DPYD: variants seen among roughly 807,000 people sequenced by gnomAD.
The protein encoded by DPYD is dihydropyrimidine dehydrogenase [NADP(+)].
In DPYD, 109 loss-of-function variants were observed where a neutral mutation model predicts 116.2. The observed-to-expected ratio is 0.94, with a 90% CI of 0.80 to 1.10. The LOEUF is 1.10. Among genes scored for constraint, DPYD ranks in the 50% least tolerant of loss-of-function variants. DPYD has a pLI of 0.00. For missense variants in DPYD, 1,302 were observed against 1,254.5 expected (o/e 1.04, Z -0.57); for synonymous variants, 440 against 432.0 (o/e 1.02, Z -0.23).
At chr1:97,098,680 G>A (rs761017799) in intron 20 of DPYD, 48 bp from the exon 21 acceptor site, 71 of 1,596,366 alleles carry the variant, frequency 4.4e-5, no homozygotes, top group Non-Finnish European at 5.9e-5. Context: ...TCAGAGAAGA[G>A]AAAAATGGGA....
chr1:97,114,179 A>G (rs1049999229), intron 20 of DPYD, among the ~76,000 whole-genome samples: 3 of 152,144 alleles, frequency 2.0e-5, no homozygotes. Context: ...ACGATGAGTG[A>G]CTATCACAAA....
At chr1:97,701,197 TTA>T (rs934343237) in intron 5 of DPYD, among the ~76,000 whole-genome samples, 8 of 147,110 alleles carry the variant, frequency 5.4e-5, no homozygotes, top group Admixed American at 3.4e-4. Context: ...CATATATATA[TTA>T]TATATATATA....
chr1:97,457,355 A>T (rs1480747770), intron 13 of DPYD, among the ~76,000 whole-genome samples: 1 of 152,112 alleles, frequency 6.6e-6, no homozygotes, highest in African/African-American at 2.4e-5. Flanking sequence ...AGAAATATGG[A>T]GATTAATTTT....
chr1:97,590,782 A>C (rs528739511), intron 10 of DPYD, among the ~76,000 whole-genome samples: 2 of 152,060 alleles, frequency 1.3e-5, no homozygotes, highest in Non-Finnish European at 2.9e-5. Flanking sequence ...CTTGTAATCT[A>C]CTCACATTAA....
At chr1:97,867,864 C>T (rs1010008273) in intron 2 of DPYD, among the ~76,000 whole-genome samples, 16 of 151,704 alleles carry the variant, frequency 1.1e-4, no homozygotes, top group African/African-American at 3.9e-4. Context: ...TACTGAAAGT[C>T]TTAGCCAGAG....
At chr1:97,085,519 T>A (rs1377970786) in intron 21 of DPYD, among the ~76,000 whole-genome samples, 1 of 152,362 alleles carries the variant, frequency 6.6e-6, no homozygotes, top group East Asian at 1.9e-4. Flanking sequence ...AAATTATATT[T>A]TTTTCTTTAT....
intron 16 of DPYD, among the ~76,000 whole-genome samples, chr1:97,355,392 T>C (rs1670377480): frequency 6.6e-6 from 1 of 152,164 alleles, no homozygotes. Context: ...ACTTACTTTT[T>C]GTGGTGAGAA....
chr1:97,447,262 G>T (rs2101781235), intron 14 of DPYD, among the ~76,000 whole-genome samples: 1 of 152,300 alleles, frequency 6.6e-6, no homozygotes, highest in African/African-American at 2.4e-5. Flanking sequence ...ATTAAAGGTG[G>T]CAGCCATGCA....
intron 7 of DPYD, among the ~76,000 whole-genome samples, chr1:97,687,465 A>C (rs1223991722): frequency 6.6e-6 from 1 of 152,190 alleles, no homozygotes; most frequent in Non-Finnish European, 1.5e-5. Context: ...GATTATTAAA[A>C]AGTCAAGAAA....
At chr1:97,523,948 A>T (rs1648870399) in intron 12 of DPYD, among the ~76,000 whole-genome samples, 1 of 152,204 alleles carries the variant, frequency 6.6e-6, no homozygotes, top group Non-Finnish European at 1.5e-5. Context: ...GTACACTTAA[A>T]GATGTCTAAG....
chr1:97,082,283 A>C (rs772367530), intron 22 of DPYD, 47 bp downstream of exon 22: 1 of 1,612,042 alleles, frequency 6.2e-7, no homozygotes, highest in South Asian at 1.1e-5. Flanking sequence ...CCGTAAAAAC[A>C]AGAAGAAACA....
intron 21 of DPYD, among the ~76,000 whole-genome samples, chr1:97,088,462 T>C (rs974419100): frequency 6.6e-6 from 1 of 152,216 alleles, no homozygotes; most frequent in African/African-American, 2.4e-5. Context: ...TTTTCCGATG[T>C]TTTGCCTTTA....
chr1:97,876,320 G>A (rs1021771427), intron 2 of DPYD, among the ~76,000 whole-genome samples: 1 of 151,940 alleles, frequency 6.6e-6, no homozygotes, highest in Non-Finnish European at 1.5e-5. Context: ...TGGGTCTTGA[G>A]GCTGGCTGGT....
chr1:97,775,866 G>T (rs1666375394), intron 3 of DPYD, among the ~76,000 whole-genome samples: 1 of 152,050 alleles, frequency 6.6e-6, no homozygotes, highest in South Asian at 2.1e-4. Flanking sequence ...TACTGAGTTT[G>T]TCTCACATTA....
At chr1:97,501,745 C>T (rs530978890) in intron 13 of DPYD, among the ~76,000 whole-genome samples, 60 of 152,064 alleles carry the variant, frequency 3.9e-4, no homozygotes, top group Admixed American at 6.6e-4. Context: ...GACACAAATC[C>T]TACAAACACT....
At chr1:97,110,080 A>C (rs1651481576) in intron 20 of DPYD, among the ~76,000 whole-genome samples, 1 of 152,058 alleles carries the variant, frequency 6.6e-6, no homozygotes, top group African/African-American at 2.4e-5. Flanking sequence ...GAACTTCCTG[A>C]AGTTTTTGGG....
At chr1:97,188,960 A>C (rs755951047) in intron 20 of DPYD, among the ~76,000 whole-genome samples, 18 of 105,774 alleles carry the variant, frequency 1.7e-4, no homozygotes, top group Non-Finnish European at 3.4e-4. Context: ...TTCAAAGGTT[A>C]TTTCTTTACA....
chr1:97,288,861 A>C (rs1665924141), intron 18 of DPYD, among the ~76,000 whole-genome samples: 2 of 152,162 alleles, frequency 1.3e-5, no homozygotes, highest in South Asian at 4.2e-4. Flanking sequence ...GGAAATAGAG[A>C]CACAAAAAAC....
intron 3 of DPYD, among the ~76,000 whole-genome samples, chr1:97,741,964 G>A (rs1327519188): frequency 2.0e-5 from 3 of 152,104 alleles, no homozygotes; most frequent in Non-Finnish European, 4.4e-5. Context: ...GGGTCACTCA[G>A]GATAATTACC....
Sources: allele counts gnomAD v4.1 joint callset (sites outside exome capture counted in the v4.1 genomes callset), GRCh38; gene constraint gnomAD v4.1.1; transcripts MANE v1.5; gene names NCBI Gene and HGNC (gene_info 2026-07-23, HGNC 2026-07-21).